BCL2L11: variants seen among roughly 807,000 people sequenced by gnomAD.
The protein encoded by BCL2L11 is BCL2 like 11.
A neutral mutation model predicts 20.6 loss-of-function variants in BCL2L11; 15 were observed. The observed-to-expected ratio is 0.73, with a 90% CI of 0.49 to 1.12. The LOEUF is 1.12. BCL2L11 is among the 50% of genes most tolerant of loss of function. BCL2L11 has a pLI of 0.00. For missense variants in BCL2L11, 292 were observed against 260.9 expected (o/e 1.12, Z -0.82); for synonymous variants, 108 against 92.8 (o/e 1.16, Z -0.94).
At chr2:111,144,905 T>C (rs1406930888) in intron 2 of BCL2L11, among the ~76,000 whole-genome samples, 1 of 152,224 alleles carries the variant, frequency 6.6e-6, no homozygotes, top group African/African-American at 2.4e-5. Flanking sequence ...CTCACACCCC[T>C]GCAGTCCCTG....
chr2:111,132,240 C>G (rs2074085047), intron 2 of BCL2L11: 1 of 152,138 alleles, frequency 6.6e-6, no homozygotes, highest in South Asian at 2.1e-4. Flanking sequence ...CCTCAGAATA[C>G]CATGATTCTG....
chr2:111,159,185 C>T (rs2078267470), intron 3 of BCL2L11, among the ~76,000 whole-genome samples: 1 of 152,228 alleles, frequency 6.6e-6, no homozygotes, highest in Non-Finnish European at 1.5e-5. Flanking sequence ...AGGGAAGGTG[C>T]TGGCCTGAAA....
intron 2 of BCL2L11, among the ~76,000 whole-genome samples, chr2:111,139,302 G>A (rs1401752240): frequency 6.6e-6 from 1 of 152,198 alleles, no homozygotes; most frequent in Non-Finnish European, 1.5e-5. Flanking sequence ...AATTGGGGGT[G>A]AGTTGGGGAC....
At chr2:111,130,073 A>G in intron 2 of BCL2L11, 1 of 380,978 alleles carries the variant, frequency 2.6e-6, no homozygotes, top group Non-Finnish European at 5.1e-6. Flanking sequence ...GAACTCAGGG[A>G]GGATTAAAAG....
chr2:111,143,522 G>C (rs1165263186), intron 2 of BCL2L11, among the ~76,000 whole-genome samples: 1 of 152,212 alleles, frequency 6.6e-6, no homozygotes, highest in African/African-American at 2.4e-5. Context: ...GTGGGGCTTA[G>C]AAGGGAACAT....
intron 2 of BCL2L11, chr2:111,145,969 A>T (rs2076458781): frequency 1.0e-6 from 1 of 960,514 alleles, no homozygotes; most frequent in African/African-American, 1.9e-5. Context: ...GAAAACATGG[A>T]TCTGCCTAGG....
At position 111,123,540 on chromosome 2, in the gene BCL2L11, C is replaced by G. The variant is rs564440221; in HGVS notation, c.-13-193C>G. 16 of 984,242 alleles carry G rather than the reference C, an allele frequency of 1.6e-5. No homozygotes were observed. The African/African-American group carries it at 2.8e-4, about 17-fold the overall frequency. 61.0% of individuals were successfully genotyped at this position (984,242 alleles called of 1,614,324 possible). On this transcript the variant is annotated intron_variant, in intron 1 of 3. Coordinates refer to ENST00000393256, the MANE Select transcript of BCL2L11 (RefSeq NM_138621.5). ...GTTACTGTATTTTGTTTGGGGGTAC[C>G]CTCTACCAAAAAAAAATTACACCTT...
rs554458833 is a variant in BCL2L11 at position 111,124,147 on chromosome 2, A to G, written c.394+8A>G. The G allele has an allele frequency of 6.1e-5, 97 of 1,595,880 alleles. No homozygotes were observed. The highest frequency in any genetic ancestry group is 5.2e-4 in the South Asian group (46 of 88,896). ...ACTATCTCAGTGCAATGGGTAAGCA[A>G]TGCCTGGGTAAGAGGCAGTTGACGT... On this transcript the variant is annotated splice_region_variant and intron_variant, in intron 2 of 3. Coordinates refer to ENST00000393256, the MANE Select transcript of BCL2L11 (RefSeq NM_138621.5).
chr2:111,146,729 T>C (rs1413747126), intron 2 of BCL2L11, among the ~76,000 whole-genome samples: 2 of 152,260 alleles, frequency 1.3e-5, no homozygotes, highest in Non-Finnish European at 2.9e-5. Flanking sequence ...GCTTTCTCTA[T>C]CCCCATAGAA....
intron 1 of BCL2L11, among the ~76,000 whole-genome samples, chr2:111,122,261 C>T (rs1480643175): frequency 1.3e-5 from 2 of 152,234 alleles, no homozygotes; most frequent in Non-Finnish European, 2.9e-5. Context: ...CTGGGGATGG[C>T]CCTGCGGGTC....
At chr2:111,133,841 T>G (rs1222073247) in intron 2 of BCL2L11, among the ~76,000 whole-genome samples, 1 of 152,230 alleles carries the variant, frequency 6.6e-6, no homozygotes, top group Non-Finnish European at 1.5e-5. Flanking sequence ...CCCCAGCTGT[T>G]TCCTTTCAGC....
At chr2:111,142,556 A>G (rs2075986817) in intron 2 of BCL2L11, among the ~76,000 whole-genome samples, 2 of 152,226 alleles carry the variant, frequency 1.3e-5, no homozygotes, top group Non-Finnish European at 2.9e-5. Flanking sequence ...TGTAAGTTTT[A>G]ACCGTATACA....
At position 111,164,413 on chromosome 2, in the gene BCL2L11, G is replaced by A; in HGVS notation, c.*182G>A. The A allele has an allele frequency of 1.9e-6, 1 of 518,670 alleles. No individual in the cohort carries two copies. The highest frequency in any genetic ancestry group is 3.5e-6 in the Non-Finnish European group (1 of 287,154). 32.1% of individuals were successfully genotyped at this position (518,670 alleles called of 1,614,324 possible). A position where few individuals can be genotyped will look rare whatever the true frequency, so the allele number is the denominator to read the frequency against. On this transcript the variant is annotated 3_prime_UTR_variant, in exon 4 of 4. Transcript: ENST00000393256. ...CTACCTTTCTGTTCATCACCACACA[G>A]CAGAATTTCTAATGGAAGTTTGTTG... is the stretch of plus-strand genomic sequence containing the variant.
intron 3 of BCL2L11, chr2:111,161,292 C>A: frequency 2.6e-6 from 3 of 1,175,658 alleles, no homozygotes; most frequent in Non-Finnish European, 3.6e-6. Flanking sequence ...GGGAGTGGAG[C>A]ATCTTCCCTG....
At chr2:111,152,017 G>A in intron 3 of BCL2L11, 2 of 821,984 alleles carry the variant, frequency 2.4e-6, no homozygotes. Context: ...GGAAGTGGCT[G>A]TCTCTATTGA....
intron 2 of BCL2L11, chr2:111,142,450 CTTTTAAG>C (rs2075971758): frequency 1.5e-6 from 2 of 1,330,986 alleles, no homozygotes; most frequent in Non-Finnish European, 2.1e-6. Context: ...CCTTTTGTGA[CTTTTAAG>C]TGAGAAGCTT....
At chr2:111,163,932 T>A (rs1289454964) in intron 3 of BCL2L11, among the ~76,000 whole-genome samples, 2 of 151,070 alleles carry the variant, frequency 1.3e-5, no homozygotes, top group African/African-American at 4.9e-5. Context: ...TTTGTAGGGA[T>A]GTCTTCCCCT....
Position 111,121,054 on chromosome 2 carries a change from C to A in BCL2L11, c.-148C>A. The A allele has an allele frequency of 2.7e-6, 1 of 367,826 alleles. No homozygotes were observed. The highest frequency in any genetic ancestry group is 4.8e-6 in the Non-Finnish European group (1 of 206,438). The allele number at this position is 367,826 out of a possible 1,614,324, so 22.8% of individuals were successfully genotyped here. ...CCACTTGATTCTTGCAGCCACCCTGCGAACCCTGCCACACTGCGATCGCAT... is the reference window on the plus strand; with the variant it reads ...CCACTTGATTCTTGCAGCCACCCTGAGAACCCTGCCACACTGCGATCGCAT... On this transcript the variant is annotated 5_prime_UTR_variant, in exon 1 of 4. Coordinates refer to ENST00000393256, the MANE Select transcript of BCL2L11 (RefSeq NM_138621.5).
intron 2 of BCL2L11, among the ~76,000 whole-genome samples, chr2:111,132,597 G>C (rs1434768329): frequency 6.6e-6 from 1 of 152,156 alleles, no homozygotes; most frequent in Admixed American, 6.5e-5. Flanking sequence ...TGGCCATATA[G>C]GCTCTTTTTA....
Sources: gnomAD v4.1 joint callset for allele counts (sites outside exome capture counted in the v4.1 genomes callset) on GRCh38, gnomAD v4.1.1 for gene constraint, MANE v1.5 for transcripts, NCBI Gene and HGNC (gene_info 2026-07-23, HGNC 2026-07-21) for gene names.